The following HS6ST3 variants were observed in gnomAD, a reference collection of about 807,000 sequenced individuals.
The protein encoded by HS6ST3 is heparan-sulfate 6-O-sulfotransferase 3.
HS6ST3 carries 12 observed loss-of-function variants against 36.7 expected under a neutral mutation model. That is an observed-to-expected ratio of 0.33 (90% CI 0.21 to 0.53). The LOEUF (loss-of-function observed/expected upper bound fraction) is 0.53, where lower values mean the gene tolerates loss of function less well. HS6ST3 is among the 20% of genes least tolerant of loss of function. The pLI is 0.95. For missense variants in HS6ST3, 584 were observed against 640.9 expected (o/e 0.91, Z 0.96); for synonymous variants, 240 against 257.5 (o/e 0.93, Z 0.65).
chr13:96,152,675 C>T (rs2054092281), intron 1 of HS6ST3, among the ~76,000 whole-genome samples: 2 of 151,940 alleles, frequency 1.3e-5, no homozygotes, highest in Non-Finnish European at 2.9e-5. Flanking sequence ...TTTTTATATG[C>T]TTCTATATGA....
chr13:96,766,857 C>T (rs1348924781), intron 1 of HS6ST3, among the ~76,000 whole-genome samples: 2 of 152,094 alleles, frequency 1.3e-5, no homozygotes, highest in Admixed American at 1.3e-4. Flanking sequence ...AACTTTGTCC[C>T]GTTAGAACCC....
chr13:96,804,768 T>C (rs1298084264), intron 1 of HS6ST3, among the ~76,000 whole-genome samples: 1 of 152,112 alleles, frequency 6.6e-6, no homozygotes, highest in African/African-American at 2.4e-5. Flanking sequence ...CGGGACTGCG[T>C]AAAAATTCAG....
intron 1 of HS6ST3, among the ~76,000 whole-genome samples, chr13:96,205,447 A>G (rs1345846077): frequency 2.0e-5 from 3 of 152,292 alleles, no homozygotes; most frequent in Middle Eastern, 3.4e-3. Context: ...AAACAATTGA[A>G]AAGAAGGGAC....
At chr13:96,590,733 A>G (rs893113263) in intron 1 of HS6ST3, among the ~76,000 whole-genome samples, 2 of 151,998 alleles carry the variant, frequency 1.3e-5, no homozygotes, top group Non-Finnish European at 2.9e-5. Context: ...GGTTGCCTAT[A>G]CTTGTGGGGT....
intron 1 of HS6ST3, among the ~76,000 whole-genome samples, chr13:96,420,030 A>G (rs1383539157): frequency 6.6e-6 from 1 of 152,212 alleles, no homozygotes; most frequent in South Asian, 2.1e-4. Flanking sequence ...CATTCATAAA[A>G]ATCCTGTATA....
At chr13:96,436,677 G>A (rs749872198) in intron 1 of HS6ST3, among the ~76,000 whole-genome samples, 12 of 152,170 alleles carry the variant, frequency 7.9e-5, no homozygotes, top group African/African-American at 2.7e-4. Flanking sequence ...CAAGGTTTGC[G>A]CATTCAAAGA....
At chr13:96,247,653 A>G (rs1432418138) in intron 1 of HS6ST3, among the ~76,000 whole-genome samples, 1 of 152,092 alleles carries the variant, frequency 6.6e-6, no homozygotes, top group African/African-American at 2.4e-5. Flanking sequence ...GGTGAAAATG[A>G]ACCAATACAA....
At chr13:96,780,786 C>T (rs1010210843) in intron 1 of HS6ST3, among the ~76,000 whole-genome samples, 9 of 151,942 alleles carry the variant, frequency 5.9e-5, no homozygotes, top group Admixed American at 1.3e-4. Flanking sequence ...GAGCTAGTGT[C>T]CTCACCTCTT....
At chr13:96,633,031 T>G (rs2056537159) in intron 1 of HS6ST3, among the ~76,000 whole-genome samples, 1 of 152,204 alleles carries the variant, frequency 6.6e-6, no homozygotes, top group African/African-American at 2.4e-5. Context: ...TTTTTTCTGT[T>G]TTTTCATCTT....
At chr13:96,590,919 T>A in intron 1 of HS6ST3, among the ~76,000 whole-genome samples, 1 of 152,170 alleles carries the variant, frequency 6.6e-6, no homozygotes, top group East Asian at 1.9e-4. Context: ...GATATCCAGT[T>A]TATCAAGTAC....
chr13:96,511,831 C>A (rs1299631591), intron 1 of HS6ST3, among the ~76,000 whole-genome samples: 1 of 152,088 alleles, frequency 6.6e-6, no homozygotes, highest in Non-Finnish European at 1.5e-5. Context: ...CATCATTTTG[C>A]ATTTAATTTC....
At chr13:96,616,559 C>T (rs1594819250) in intron 1 of HS6ST3, among the ~76,000 whole-genome samples, 1 of 152,206 alleles carries the variant, frequency 6.6e-6, no homozygotes, top group South Asian at 2.1e-4. Context: ...CTAACCAGGG[C>T]CCATAATTTT....
chr13:96,645,312 T>C (rs1254770277), intron 1 of HS6ST3, among the ~76,000 whole-genome samples: 1 of 151,870 alleles, frequency 6.6e-6, no homozygotes, highest in Admixed American at 6.6e-5. Flanking sequence ...TAATCTGGTT[T>C]ACTTTTAGCC....
intron 1 of HS6ST3, among the ~76,000 whole-genome samples, chr13:96,347,177 A>G (rs569430910): frequency 6.6e-6 from 1 of 152,276 alleles, no homozygotes; most frequent in South Asian, 2.1e-4. Context: ...CACAGAAACT[A>G]TGAGATAATA....
At chr13:96,699,855 A>G (rs1012769048) in intron 1 of HS6ST3, among the ~76,000 whole-genome samples, 82 of 152,218 alleles carry the variant, frequency 5.4e-4, no homozygotes, top group African/African-American at 2.0e-3. Context: ...AAATGTTTTT[A>G]TAATTTTAAA....
chr13:96,431,939 C>G (rs1434596590), intron 1 of HS6ST3, among the ~76,000 whole-genome samples: 1 of 152,140 alleles, frequency 6.6e-6, no homozygotes, highest in Non-Finnish European at 1.5e-5. Context: ...ATGGTCAGCA[C>G]TAAAGGTACA....
At chr13:96,371,123 T>C (rs961513487) in intron 1 of HS6ST3, among the ~76,000 whole-genome samples, 2 of 152,220 alleles carry the variant, frequency 1.3e-5, no homozygotes. Context: ...TGTGTGAACA[T>C]GGCATAGTTT....
intron 1 of HS6ST3, among the ~76,000 whole-genome samples, chr13:96,789,680 G>A (rs990341196): frequency 6.6e-6 from 1 of 151,214 alleles, no homozygotes; most frequent in Non-Finnish European, 1.5e-5. Flanking sequence ...TTTTGCTGAT[G>A]TAGACTTCTA....
intron 1 of HS6ST3, among the ~76,000 whole-genome samples, chr13:96,548,471 C>G (rs1025092000): frequency 2.0e-5 from 3 of 152,172 alleles, no homozygotes; most frequent in Admixed American, 6.5e-5. Flanking sequence ...TTCCTGTTTT[C>G]TCATACTATT....
Sources: gnomAD v4.1 joint callset for allele counts (sites outside exome capture counted in the v4.1 genomes callset) on GRCh38, gnomAD v4.1.1 for gene constraint, MANE v1.5 for transcripts, NCBI Gene and HGNC (gene_info 2026-07-23, HGNC 2026-07-21) for gene names.